The following TRIM2 variants were observed in gnomAD, a reference collection of about 807,000 sequenced individuals.
TRIM2 encodes the protein tripartite motif containing 2.
In TRIM2, 20 loss-of-function variants were observed where a neutral mutation model predicts 75.2. That is an observed-to-expected ratio of 0.27 (90% CI 0.19 to 0.39). The LOEUF is 0.39. Ranked by LOEUF, TRIM2 falls within the 10% of genes least tolerant of loss-of-function variation. The pLI, the probability that TRIM2 is intolerant of heterozygous loss-of-function variation, is 1.00. For synonymous variants in TRIM2, 373 were observed against 388.3 expected, an observed-to-expected ratio of 0.96 and a Z score of 0.46; for missense variants, 660 against 990.8, an observed-to-expected ratio of 0.67 and a Z score of 4.48.
chr4:153,206,014 G>A (rs1207768548), intron 1 of TRIM2, among the ~76,000 whole-genome samples: 1 of 152,202 alleles, frequency 6.6e-6, no homozygotes, highest in African/African-American at 2.4e-5. Context: ...TCCCAGGTGG[G>A]GTGGAGGCTC....
At chr4:153,271,892 T>A (rs1291352442) in intron 2 of TRIM2, among the ~76,000 whole-genome samples, 2 of 152,126 alleles carry the variant, frequency 1.3e-5, no homozygotes, top group African/African-American at 4.8e-5. Flanking sequence ...TTGCCCCATA[T>A]CCCAGTATTC....
chr4:153,329,180 T>C, intron 11 of TRIM2, among the ~76,000 whole-genome samples: 1 of 152,296 alleles, frequency 6.6e-6, no homozygotes, highest in East Asian at 1.9e-4. Flanking sequence ...TGTGCTAATT[T>C]TTAGAAGCAC....
chr4:153,337,998 T>A lies in TRIM2; in HGVS notation c.*3032T>A, dbSNP rs1288491321. On this transcript the variant is annotated 3_prime_UTR_variant, in exon 12 of 12. Transcript: ENST00000338700. Reference sequence around the variant, plus strand: ...CTTTATGACTGTTTGCCATTTTTTTTAATGGTACTTAGTATTTTGATCAAA... The same window carrying A: ...CTTTATGACTGTTTGCCATTTTTTTAAATGGTACTTAGTATTTTGATCAAA... 4.1e-6 allele frequency: 4 copies of A among 985,710 alleles called. No individual in the cohort carries two copies. Among genetic ancestry groups the A allele is most frequent in the Admixed American group, 6.2e-5 (1 of 16,260 alleles). 61.1% of individuals were successfully genotyped at this position (985,710 alleles called of 1,614,324 possible). A position where few individuals can be genotyped will look rare whatever the true frequency, so the allele number is the denominator to read the frequency against.
At chr4:153,232,239 G>A (rs760962379) in intron 1 of TRIM2, among the ~76,000 whole-genome samples, 13 of 152,268 alleles carry the variant, frequency 8.5e-5, no homozygotes, top group African/African-American at 1.7e-4. Context: ...GTAGCCAGGC[G>A]AGGTGGCTGA....
At chr4:153,273,268 CT>C (rs1757182983) in intron 2 of TRIM2, among the ~76,000 whole-genome samples, 7 of 94,546 alleles carry the variant, frequency 7.4e-5, no homozygotes, top group African/African-American at 2.1e-4. Context: ...CTTACAGTCA[CT>C]CTTTTTTTTT....
At chr4:153,159,350 C>CTGGAGTGCAGTGAG (rs1275725303) in intron 1 of TRIM2, among the ~76,000 whole-genome samples, 1 of 115,690 alleles carries the variant, frequency 8.6e-6, no homozygotes, top group East Asian at 2.8e-4. Context: ...GTTGTTGAGG[C>CTGGAGTGCAGTGAG]TGGAGTGCAG....
chr4:153,202,340 C>T (rs1734449402), upstream of TRIM2, among the ~76,000 whole-genome samples: 1 of 152,210 alleles, frequency 6.6e-6, no homozygotes, highest in African/African-American at 2.4e-5. Flanking sequence ...ATAATTTATG[C>T]AATGCCACAC....
intron 6 of TRIM2, among the ~76,000 whole-genome samples, chr4:153,300,204 A>T (rs1434671584): frequency 6.6e-6 from 1 of 152,036 alleles, no homozygotes; most frequent in East Asian, 1.9e-4. Flanking sequence ...ATTCCCACCA[A>T]CCTGTGCCAG....
intron 1 of TRIM2, among the ~76,000 whole-genome samples, chr4:153,266,044 G>A (rs963941799): frequency 3.9e-5 from 6 of 152,202 alleles, no homozygotes; most frequent in Non-Finnish European, 5.9e-5. Context: ...TCTATGGAAA[G>A]TCTAGCAGAT....
At chr4:153,267,894 A>G (rs1451695212) in intron 1 of TRIM2, among the ~76,000 whole-genome samples, 1 of 152,180 alleles carries the variant, frequency 6.6e-6, no homozygotes, top group Admixed American at 6.5e-5. Flanking sequence ...AGAAAGAGTA[A>G]TTCACTCAGA....
At chr4:153,329,729 C>CA (rs1162295527) in intron 11 of TRIM2, among the ~76,000 whole-genome samples, 1 of 151,766 alleles carries the variant, frequency 6.6e-6, no homozygotes, top group Non-Finnish European at 1.5e-5. Flanking sequence ...CCCAGCTACT[C>CA]AGGAGGCTGA....
intron 2 of TRIM2, among the ~76,000 whole-genome samples, chr4:153,270,910 C>G (rs1756517085): frequency 6.6e-6 from 1 of 152,190 alleles, no homozygotes; most frequent in African/African-American, 2.4e-5. Context: ...GGTAAAACAT[C>G]TGCATACATG....
At chr4:153,202,183 T>C (rs540681381), upstream of TRIM2, among the ~76,000 whole-genome samples, 3 of 152,312 alleles carry the variant, frequency 2.0e-5, no homozygotes, top group South Asian at 6.2e-4. Context: ...TGAGAAAAAG[T>C]TTGCGGAAAA....
Position 153,296,073 on chromosome 4 carries a change from G to A in TRIM2, c.1510+37G>A, listed in dbSNP as rs115669816. The A allele has an allele frequency of 1.9e-3, 2,902 of 1,510,306 alleles. 1 individual carries two copies. The highest frequency in any genetic ancestry group is 2.4e-3 in the Non-Finnish European group (2,752 of 1,131,850). The allele number at this position is 1,510,306 out of a possible 1,614,324, so 93.6% of individuals were successfully genotyped here. A position where few individuals can be genotyped will look rare whatever the true frequency, so the allele number is the denominator to read the frequency against. ...GCTTCTGTGCCCGACGCCTGAGCTG[G>A]CACTGGTTAAGGGGTAACTGGGCAC... is the stretch of plus-strand genomic sequence containing the variant. On this transcript the variant is annotated intron_variant, in intron 6 of 11. Transcript: ENST00000338700.
chr4:153,282,860 C>T (rs1472218625), intron 3 of TRIM2, among the ~76,000 whole-genome samples: 1 of 152,016 alleles, frequency 6.6e-6, no homozygotes, highest in Non-Finnish European at 1.5e-5. Context: ...ATGATCATGG[C>T]TCATGGCAGC....
Position 153,248,847 on chromosome 4 carries a change from G to A in TRIM2, c.31-21488G>A, listed in dbSNP as rs912203221. On this transcript the variant is annotated intron_variant, in intron 1 of 11. Transcript: ENST00000338700. The surrounding 1 kb of genome is among the most constrained non-coding windows in gnomAD (Gnocchi z 4.0). ...CCTCTGATTAGCTCCCTCTGCCAAG[G>A]TGCCCAGGCTCCTACTTCAGTGTCA... Among the ~76,000 whole-genome samples, 13 of 152,198 alleles carry A rather than the reference G, an allele frequency of 8.5e-5. No individual in the cohort carries two copies. The highest frequency in any genetic ancestry group is 2.7e-4 in the African/African-American group (11 of 41,456).
intron 3 of TRIM2, among the ~76,000 whole-genome samples, chr4:153,291,308 G>A (rs776641285): frequency 3.9e-5 from 6 of 152,120 alleles, no homozygotes; most frequent in Non-Finnish European, 7.4e-5. Context: ...GGTGTCCCTT[G>A]GTTGGTCTTA....
At position 153,337,570 on chromosome 4, in the gene TRIM2, A is replaced by G. The variant is rs991042923; in HGVS notation, c.*2604A>G. The G allele has an allele frequency of 4.1e-6, 4 of 985,724 alleles. No homozygotes were observed. The Admixed American group carries it at 1.8e-4, about 45-fold the overall frequency. 61.1% of individuals were successfully genotyped at this position (985,724 alleles called of 1,614,324 possible). A position where few individuals can be genotyped will look rare whatever the true frequency, so the allele number is the denominator to read the frequency against. On this transcript the variant is annotated 3_prime_UTR_variant, in exon 12 of 12. Transcript: ENST00000338700. The stretch of plus-strand genomic sequence containing the variant: ...TAGATAACATTTCACACTTGGATAC[A>G]TATGTGCATTTACTGTATTTCTTGG...
intron 2 of TRIM2, among the ~76,000 whole-genome samples, chr4:153,273,270 CTTTTTTTTTTTTTTTTTT>C (rs72414117): frequency 1.7e-5 from 1 of 57,390 alleles, no homozygotes; most frequent in Non-Finnish European, 3.2e-5. Context: ...TACAGTCACT[CTTTTTTTTTTTTTTTTTT>C]TTTTTGAGAC....
Sources: gnomAD v4.1 joint callset for allele counts (sites outside exome capture counted in the v4.1 genomes callset) on GRCh38, gnomAD v4.1.1 for gene constraint, Gnocchi (gnomAD v3.1) non-coding constraint, MANE v1.5 for transcripts, NCBI Gene and HGNC (gene_info 2026-07-23, HGNC 2026-07-21) for gene names.